VAC14: variants seen among roughly 807,000 people sequenced by gnomAD.
The protein encoded by VAC14 is VAC14 component of PIKFYVE complex, also known as protein VAC14 homolog.
A neutral mutation model predicts 85.3 loss-of-function variants in VAC14; 47 were observed. That is an observed-to-expected ratio of 0.55 (90% confidence interval 0.44 to 0.70). VAC14 has a LOEUF of 0.70. Among genes scored for constraint, VAC14 ranks in the 30% least tolerant of loss-of-function variants. The pLI is 0.00. For missense variants in VAC14, 861 were observed against 1,004.3 expected (o/e 0.86, Z 1.93); for synonymous variants, 447 against 430.5 (o/e 1.04, Z -0.47).
intron 13 of VAC14, among the ~76,000 whole-genome samples, chr16:70,741,841 G>T (rs2030345302): frequency 1.3e-5 from 2 of 152,218 alleles, no homozygotes; most frequent in Non-Finnish European, 2.9e-5. Context: ...TCTTGGCACG[G>T]CCAGGAGCTG....
chr16:70,761,080 G>A (rs748613929), intron 12 of VAC14: 6 of 411,506 alleles, frequency 1.5e-5, no homozygotes, highest in East Asian at 7.8e-5. Flanking sequence ...CATCTGTTTT[G>A]GATTTTTCTG....
intron 14 of VAC14, among the ~76,000 whole-genome samples, chr16:70,720,452 T>C (rs1269610205): frequency 1.3e-5 from 2 of 152,132 alleles, no homozygotes; most frequent in East Asian, 3.8e-4. Context: ...ATGTGTTATG[T>C]GGTAAGAAAG....
At chr16:70,713,886 C>G (rs2054091464) in intron 14 of VAC14, 1 of 152,242 alleles carries the variant, frequency 6.6e-6, no homozygotes, top group African/African-American at 2.4e-5. Context: ...CCTAGAAACC[C>G]ATTAGCTGGC....
At chr16:70,725,194 C>T (rs1268450706) in intron 14 of VAC14, among the ~76,000 whole-genome samples, 1 of 152,192 alleles carries the variant, frequency 6.6e-6, no homozygotes, top group Non-Finnish European at 1.5e-5. Context: ...GGGGGCACCG[C>T]ACAAAGACTC....
chr16:70,767,277 C>T (rs1412688791), intron 10 of VAC14, among the ~76,000 whole-genome samples: 4 of 152,182 alleles, frequency 2.6e-5, no homozygotes, highest in Admixed American at 6.5e-5. Context: ...AGGGAGACAG[C>T]ACTTCATTTC....
chr16:70,742,964 C>T (rs143006674), intron 13 of VAC14, among the ~76,000 whole-genome samples: 1 of 151,996 alleles, frequency 6.6e-6, no homozygotes, highest in East Asian at 2.1e-4. Context: ...TAGCTAAATG[C>T]ACCAATCAGC....
chr16:70,709,211 A>G (rs1266227587), intron 14 of VAC14, among the ~76,000 whole-genome samples: 2 of 152,204 alleles, frequency 1.3e-5, no homozygotes, highest in Non-Finnish European at 2.9e-5. Context: ...CACAGATGAG[A>G]GGCCTTGCCA....
At chr16:70,689,499 C>T (rs766001567) in intron 18 of VAC14, 1 of 985,430 alleles carries the variant, frequency 1.0e-6, no homozygotes, top group Non-Finnish European at 1.2e-6. Flanking sequence ...CTGGGCAGGA[C>T]CAGGGCAGGG....
At chr16:70,788,020 C>T (rs1251631933) in intron 1 of VAC14, among the ~76,000 whole-genome samples, 1 of 152,240 alleles carries the variant, frequency 6.6e-6, no homozygotes, top group Non-Finnish European at 1.5e-5. Flanking sequence ...TAACTGCAGG[C>T]ACTCTCTCTC....
intron 10 of VAC14, among the ~76,000 whole-genome samples, chr16:70,767,591 A>G (rs1422734766): frequency 1.3e-5 from 2 of 152,190 alleles, no homozygotes; most frequent in Non-Finnish European, 2.9e-5. Context: ...GAGAACTCCT[A>G]AATCAAATGA....
intron 12 of VAC14, among the ~76,000 whole-genome samples, chr16:70,749,631 C>T (rs748387109): frequency 1.3e-5 from 2 of 152,268 alleles, no homozygotes; most frequent in African/African-American, 2.4e-5. Flanking sequence ...ACAGCATCCC[C>T]ATCCCCATCT....
chr16:70,781,730 A>T (rs575101357), intron 8 of VAC14, 139 bp downstream of exon 8: 21 of 1,236,544 alleles, frequency 1.7e-5, no homozygotes, highest in Admixed American at 8.4e-5. Context: ...GTTTGGCTCC[A>T]TCTCTTTTTC....
chr16:70,771,777 C>T (rs1344948715), intron 10 of VAC14: 3 of 219,162 alleles, frequency 1.4e-5, no homozygotes, highest in East Asian at 1.0e-4. Flanking sequence ...AACAGGGTCT[C>T]GCCATGTTGC....
chr16:70,781,915 G>C lies in VAC14; in HGVS notation c.900C>G (p.Ile300Met). The C allele has an allele frequency of 1.2e-6, 2 of 1,614,168 alleles. No homozygotes were observed. The highest frequency in any genetic ancestry group is 1.7e-6 in the Non-Finnish European group (2 of 1,180,032). ...GRVMLPYSSGILTAVLPCLAY... is the reference protein window; with the variant it reads ...GRVMLPYSSGMLTAVLPCLAY... ...CCAAGCAGGGCAAGACAGCAGTCAG[G>C]ATCCCGGAGGAGTAAGGCAGCATGA... Residue 300 changes from isoleucine to methionine, a missense_variant, in exon 8 of 19, where the codon ATC (isoleucine) becomes ATG (methionine). Transcript: ENST00000261776.
intron 18 of VAC14, 78 bp from the exon 19 acceptor site, chr16:70,688,168 G>C (rs1256135263): frequency 7.2e-7 from 1 of 1,391,896 alleles, no homozygotes; most frequent in East Asian, 2.7e-5. Context: ...AGTGGGGTCA[G>C]AGGCAGAGCC....
At chr16:70,699,618 C>T (rs900520157) in intron 14 of VAC14, 13 of 152,342 alleles carry the variant, frequency 8.5e-5, no homozygotes, top group African/African-American at 2.9e-4. Context: ...TCCTCAGGGT[C>T]CCTGGGCCGG....
chr16:70,737,913 C>T lies in VAC14; in HGVS notation c.1529-6286G>A, dbSNP rs533286705. Among the ~76,000 whole-genome samples, 26 of 152,358 alleles carry T rather than the reference C, an allele frequency of 1.7e-4. No individual in the cohort carries two copies. The South Asian group carries it at 4.8e-3, about 28-fold the overall frequency. On this transcript the variant is annotated intron_variant, in intron 13 of 18. Transcript: ENST00000261776. ...CAGCAGGGTCCCTGCTCCACTCCGG[C>T]CTCCCTCCCTGCTGGGGTTGGGGTC...
At chr16:70,734,450 T>C (rs1004923068) in intron 13 of VAC14, among the ~76,000 whole-genome samples, 2 of 152,212 alleles carry the variant, frequency 1.3e-5, no homozygotes, top group African/African-American at 4.8e-5. Context: ...ATTAAAAAAA[T>C]TTTTTTGAAG....
At chr16:70,709,742 G>A (rs377515686) in intron 14 of VAC14, among the ~76,000 whole-genome samples, 9 of 152,240 alleles carry the variant, frequency 5.9e-5, no homozygotes, top group African/African-American at 1.7e-4. Flanking sequence ...AGTCAGGCCA[G>A]CTACTGCCTG....
Sources: allele counts gnomAD v4.1 joint callset (sites outside exome capture counted in the v4.1 genomes callset), GRCh38; gene constraint gnomAD v4.1.1; transcripts MANE v1.5; gene names NCBI Gene and HGNC (gene_info 2026-07-23, HGNC 2026-07-21).